The following DMD variants were observed in gnomAD, a reference collection of about 807,000 sequenced individuals.
DMD encodes the protein dystrophin, also known as mutant dystrophin.
A neutral mutation model predicts 330.1 loss-of-function variants in DMD; 63 were observed. That is an observed-to-expected ratio of 0.19 (90% CI 0.16 to 0.24). The LOEUF (loss-of-function observed/expected upper bound fraction) is 0.24, where lower values mean the gene tolerates loss of function less well. Ranked by LOEUF, DMD falls within the 10% of genes least tolerant of loss-of-function variation. DMD has a pLI of 1.00. For missense variants in DMD, 3,344 were observed against 2,684.1 expected (o/e 1.25, Z -5.43); for synonymous variants, 1,223 against 959.8 (o/e 1.27, Z -5.07).
At chrX:31,865,302 T>G (rs771754990) in intron 48 of DMD, among the ~76,000 whole-genome samples, 1 of 112,049 alleles carries the variant, frequency 8.9e-6, no homozygotes, top group Non-Finnish European at 1.9e-5. Flanking sequence ...TTCAGTTGCA[T>G]GGTAAAAGGG....
chrX:31,963,962 A>G (rs1037738936), intron 45 of DMD, among the ~76,000 whole-genome samples: 4 of 110,748 alleles, frequency 3.6e-5, no homozygotes, highest in Non-Finnish European at 5.7e-5. Flanking sequence ...AAAATGTGAC[A>G]TTATAATGCA....
intron 13 of DMD, among the ~76,000 whole-genome samples, chrX:32,576,101 C>T (rs1011171695): frequency 4.5e-5 from 5 of 111,620 alleles, no homozygotes; most frequent in Non-Finnish European, 7.5e-5. Flanking sequence ...TTTAATATTG[C>T]AGTTTTGTTC....
At chrX:32,544,666 T>C (rs1166001253) in intron 17 of DMD, among the ~76,000 whole-genome samples, 1 of 110,778 alleles carries the variant, frequency 9.0e-6, no homozygotes, top group Non-Finnish European at 1.9e-5. Context: ...ACAGGAAATG[T>C]GTTCTGTAAT....
intron 30 of DMD, among the ~76,000 whole-genome samples, chrX:32,404,952 T>C (rs1423175343): frequency 8.9e-6 from 1 of 111,779 alleles, no homozygotes; most frequent in African/African-American, 3.2e-5. Context: ...TCACCCATTT[T>C]CCATTAGAGG....
At chrX:33,117,076 A>T (rs1222659826) in intron 1 of DMD, among the ~76,000 whole-genome samples, 3 of 109,977 alleles carry the variant, frequency 2.7e-5, no homozygotes, top group African/African-American at 9.9e-5. Context: ...ATATATATAT[A>T]TATTTTTTAA....
chrX:32,720,784 A>AT (rs1367996559), intron 7 of DMD, among the ~76,000 whole-genome samples: 1 of 111,152 alleles, frequency 9.0e-6, no homozygotes, highest in East Asian at 2.8e-4. Flanking sequence ...CTGCTTTTAT[A>AT]TTTTTTTAAA....
intron 56 of DMD, among the ~76,000 whole-genome samples, chrX:31,505,100 T>C (rs1262552121): frequency 8.9e-6 from 1 of 112,358 alleles, no homozygotes; most frequent in Non-Finnish European, 1.9e-5. Context: ...AATTATAGCA[T>C]CTTTCTTTTT....
rs764554112 is a variant in DMD, at chrX:31,598,214, G to C, written c.8217+29459C>G. On this transcript the variant is annotated intron_variant, in intron 55 of 78. Transcript: ENST00000357033. ...CAGCCTTGCAGCCTTGACCTCCCAG[G>C]CTCAAGCAATCCTCCTGCCTCAGCG... 2.7e-5 allele frequency among the ~76,000 whole-genome samples: 3 copies of C among 110,490 alleles called. No individual in the cohort carries two copies. In the Admixed American group the frequency reaches 2.9e-4, roughly 11 times the overall value.
At chrX:32,802,190 A>G (rs1368036219) in intron 7 of DMD, among the ~76,000 whole-genome samples, 2 of 111,493 alleles carry the variant, frequency 1.8e-5, no homozygotes, top group African/African-American at 6.5e-5. Context: ...TTCCTTGAGC[A>G]GTGGTTTGTA....
At chrX:31,979,591 T>C (rs1380404283) in intron 44 of DMD, among the ~76,000 whole-genome samples, 1 of 104,726 alleles carries the variant, frequency 9.5e-6, no homozygotes, top group Non-Finnish European at 2.0e-5. Flanking sequence ...TAAATTCTAT[T>C]TCTGTACTTT....
At position 32,422,472 on chromosome X, in the gene DMD, A is replaced by T. The variant is rs190832077; in HGVS notation, c.4072-10559T>A. On this transcript the variant is annotated intron_variant, in intron 29 of 78. Transcript: ENST00000357033. ...AAGATGTCTTAAATAACAACAACGA[A>T]AAATAACAGGTAAGAAAATGCAATC... Among the ~76,000 whole-genome samples, 764 of 111,683 alleles carry T rather than the reference A, an allele frequency of 6.8e-3. 4 individuals are homozygous for T. The highest frequency in any genetic ancestry group is 0.011 in the Non-Finnish European group (558 of 53,113).
intron 9 of DMD, among the ~76,000 whole-genome samples, chrX:32,656,370 C>T (rs1180749786): frequency 2.8e-5 from 3 of 108,863 alleles, no homozygotes; most frequent in African/African-American, 1.0e-4. Flanking sequence ...CAGAGACTTC[C>T]TACAAGGCCT....
At chrX:31,728,825 C>T (rs912795311) in intron 52 of DMD, among the ~76,000 whole-genome samples, 2 of 111,503 alleles carry the variant, frequency 1.8e-5, no homozygotes, top group Non-Finnish European at 3.8e-5. Flanking sequence ...AAATTCAATA[C>T]CAGTGTGTGT....
intron 48 of DMD, among the ~76,000 whole-genome samples, chrX:31,861,734 TATACAC>T (rs2093705572): frequency 5.4e-5 from 3 of 56,063 alleles, no homozygotes; most frequent in African/African-American, 2.3e-4. Context: ...AGAAGAGTGC[TATACAC>T]ACACACACAC....
intron 1 of DMD, among the ~76,000 whole-genome samples, chrX:33,077,871 TCAGTCCCCA>T (rs1416470265): frequency 8.9e-6 from 1 of 112,529 alleles, no homozygotes; most frequent in African/African-American, 3.2e-5. Flanking sequence ...ATTTCTCTGT[TCAGTCCCCA>T]TTTTTATTAA....
chrX:31,921,808 C>T (rs1354024180), intron 47 of DMD, among the ~76,000 whole-genome samples: 1 of 111,703 alleles, frequency 9.0e-6, no homozygotes. Context: ...GATCACATAG[C>T]TGGTAGCAAG....
chrX:33,094,602 T>A lies in DMD; in HGVS notation c.32-74402A>T, dbSNP rs1603270350. On this transcript the variant is annotated intron_variant, in intron 1 of 78. Transcript: ENST00000357033. Reference sequence around the variant, plus strand: ...CAGGTGGATCACCTGAGGTCAGGAGTTCAAGACCAGCCTGGCCAACATGAT... The same window carrying A: ...CAGGTGGATCACCTGAGGTCAGGAGATCAAGACCAGCCTGGCCAACATGAT... Among the ~76,000 whole-genome samples the A allele has an allele frequency of 4.6e-5, 5 of 107,800 alleles. No individual in the cohort carries two copies. The Admixed American group carries it at 5.0e-4, about 11-fold the overall frequency. 93.6% of individuals were successfully genotyped at this position (107,800 alleles called of 115,157 possible).
chrX:31,843,093 TACC>T (rs2093347817), intron 48 of DMD, among the ~76,000 whole-genome samples: 1 of 112,363 alleles, frequency 8.9e-6, no homozygotes, highest in Non-Finnish European at 1.9e-5. Context: ...ATTGTATGTG[TACC>T]ACATTTTCTT....
At chrX:32,676,942 T>C (rs1460875939) in intron 9 of DMD, among the ~76,000 whole-genome samples, 1 of 112,000 alleles carries the variant, frequency 8.9e-6, no homozygotes, top group Non-Finnish European at 1.9e-5. Context: ...TTTCCTGATT[T>C]TCATTTATTG....
Sources: allele counts gnomAD v4.1 joint callset (sites outside exome capture counted in the v4.1 genomes callset), GRCh38; gene constraint gnomAD v4.1.1; transcripts MANE v1.5; gene names NCBI Gene and HGNC (gene_info 2026-07-23, HGNC 2026-07-21).